AIRE: variants seen among roughly 807,000 people sequenced by gnomAD.
The protein encoded by AIRE is autoimmune regulator.
A neutral mutation model predicts 62.1 loss-of-function variants in AIRE; 52 were observed. The observed-to-expected ratio is 0.84, with a 90% CI of 0.67 to 1.06. The LOEUF (loss-of-function observed/expected upper bound fraction) is 1.06. Ranked by LOEUF, AIRE falls within the 50% of genes least tolerant of loss-of-function variation. AIRE has a pLI of 0.00. For missense variants in AIRE, 774 were observed against 755.8 expected, an observed-to-expected ratio of 1.02 and a Z score of -0.28; for synonymous variants, 342 against 321.6, an observed-to-expected ratio of 1.06 and a Z score of -0.68.
intron 5 of AIRE, chr21:44,289,052 G>A (rs1466407576): frequency 1.2e-5 from 2 of 164,698 alleles, no homozygotes; most frequent in Non-Finnish European, 2.7e-5. Context: ...CACAGCCAGG[G>A]CCCTGGTCTT....
rs79084315 is a variant in AIRE at position 44,297,115 on chromosome 21, G to C, written c.1567-541G>C. Among the ~76,000 whole-genome samples the C allele has an allele frequency of 3.7e-3, 563 of 152,334 alleles. 4 individuals are homozygous for C. The highest frequency in any genetic ancestry group is 0.013 in the African/African-American group (537 of 41,588). On this transcript the variant is annotated intron_variant, in intron 13 of 13. Coordinates refer to ENST00000291582, the MANE Select transcript of AIRE (RefSeq NM_000383.4). This position sits in a 1 kb window ranked among gnomAD's most constrained non-coding sequence, Gnocchi z 4.8. ...GTGTCTGCAGAGCCCCAGGGCCTGA[G>C]AGTGGGCCAGGGGGCCCAGCGCTGG...
In AIRE at chr21:44,286,182, C is replaced by T; in HGVS notation, c.132+44C>T. 6.7e-7 allele frequency: 1 copy of T among 1,493,238 alleles called. No homozygotes were observed. The highest frequency in any genetic ancestry group is 9.0e-7 in the Non-Finnish European group (1 of 1,113,484). 92.5% of individuals were successfully genotyped at this position (1,493,238 alleles called of 1,614,324 possible). A position where few individuals can be genotyped will look rare whatever the true frequency, so the allele number is the denominator to read the frequency against. On this transcript the variant is annotated intron_variant, in intron 1 of 13. Transcript: ENST00000291582. The surrounding 1 kb of genome is among the most constrained non-coding windows in gnomAD (Gnocchi z 6.0). The stretch of plus-strand genomic sequence containing the variant: ...CCCCGCTGCCCCCAGGCCCTGTGAG[C>T]CAGGGATAGTCCCCGGGGAAGTTCC...
rs751449722 is a variant in AIRE, at chr21:44,292,396, A to T, written c.1090A>T (p.Thr364Ser). Residue 364 changes from threonine (T) to serine (S), a missense_variant, in exon 9 of 14, where the codon ACC becomes TCC. Thr to Ser is a moderately conservative substitution (Grantham distance 58). This residue lies in a region of AIRE where 354 missense variants were observed against 296.1 expected (regional missense o/e 1.20). Transcript: ENST00000291582. ...CCGGCCCCAGGAGCCACCCGTGGAG[A>T]CCCCGGTATGGCCACGCCCCCTCCT... is the stretch of plus-strand genomic sequence containing the variant. ...EPRPQEPPVE[T>S]PLPPGLRSAG... The T allele has an allele frequency of 5.8e-6, 9 of 1,550,690 alleles. No individual in the cohort carries two copies. In the South Asian group the frequency reaches 7.1e-5, roughly 12 times the overall value.
At chr21:44,290,860 C>A in intron 7 of AIRE, 2 of 1,600,578 alleles carry the variant, frequency 1.2e-6, no homozygotes, top group Non-Finnish European at 1.7e-6. Flanking sequence ...CTGCAAGAAA[C>A]CGGGTTTTCT....
Position 44,291,010 on chromosome 21 carries a change from G to T in AIRE, c.880-85G>T, listed in dbSNP as rs142297552. 9.9e-6 allele frequency: 16 copies of T among 1,613,486 alleles called. No individual in the cohort carries two copies. The African/African-American group carries it at 1.9e-4, about 19-fold the overall frequency. On this transcript the variant is annotated intron_variant, in intron 7 of 13. Coordinates refer to ENST00000291582, the MANE Select transcript of AIRE (RefSeq NM_000383.4). ...GTTCAGGTACCCAGAGATGCTGCTGGGGGAGCTGTTTTGGGAAGGAGGTGG... is the reference window on the plus strand; with the variant it reads ...GTTCAGGTACCCAGAGATGCTGCTGTGGGAGCTGTTTTGGGAAGGAGGTGG...
Position 44,287,614 on chromosome 21 carries a change from G to T in AIRE, c.538+23G>T, listed in dbSNP as rs533097051. The stretch of plus-strand genomic sequence containing the variant: ...ACGGTGAGCGGGGCCCAGTGGGAGC[G>T]CCTCCCTTCTCCCTGGCCAGGGGCA... On this transcript the variant is annotated intron_variant, in intron 4 of 13. Transcript: ENST00000291582. This position sits in a 1 kb window ranked among gnomAD's most constrained non-coding sequence, Gnocchi z 4.3. 1.2e-5 allele frequency: 19 copies of T among 1,546,690 alleles called. No individual in the cohort carries two copies. Among genetic ancestry groups the T allele is most frequent in the Non-Finnish European group, 1.7e-5 (19 of 1,144,798 alleles).
intron 10 of AIRE, among the ~76,000 whole-genome samples, chr21:44,293,451 C>T (rs531171564): frequency 6.6e-6 from 1 of 152,170 alleles, no homozygotes; most frequent in African/African-American, 2.4e-5. Context: ...CCCTCCCCTC[C>T]CTGCCTCAAT....
At position 44,291,178 on chromosome 21, in the gene AIRE, C is replaced by T; in HGVS notation, c.963C>T (p.Ala321=). 6.2e-7 allele frequency: 1 copy of T among 1,606,780 alleles called. No individual in the cohort carries two copies. Among genetic ancestry groups the T allele is most frequent in the South Asian group, 1.1e-5 (1 of 91,030 alleles). ...CDGCPRAFHL[A]CLSPPLREIP... is the part of the protein sequence containing the mutation. ...GCTGCCCTCGGGCCTTCCACCTGGCCTGCCTGTCCCCTCCGCTCCGGGAGA... is the reference window on the plus strand; with the variant it reads ...GCTGCCCTCGGGCCTTCCACCTGGCTTGCCTGTCCCCTCCGCTCCGGGAGA... Residue 321 remains alanine (A), a synonymous_variant, in exon 8 of 14, where the codon GCC becomes GCT. Coordinates refer to ENST00000291582, the MANE Select transcript of AIRE (RefSeq NM_000383.4).
Position 44,293,809 on chromosome 21 carries a change from T to C in AIRE, c.1299T>C (p.Arg433=), listed in dbSNP as rs780148497. 6.3e-7 allele frequency: 1 copy of C among 1,596,610 alleles called. No individual in the cohort carries two copies. The highest frequency in any genetic ancestry group is 8.5e-7 in the Non-Finnish European group (1 of 1,179,518). The part of the protein sequence containing the change: ...EGQQNLAPGA[R]CGVCGDGTDV... ...CACAGAACCTGGCTCCTGGTGCGCG[T>C]TGCGGGGTGTGCGGAGATGGTACGG... The change falls in exon 11 of 14, where the codon CGT becomes CGC. Residue 433 remains arginine (R), a synonymous_variant. Transcript: ENST00000291582.
In AIRE at chr21:44,293,048, C is replaced by A. The variant is rs1469479088; in HGVS notation, c.1151C>A (p.Pro384His). 3.7e-6 allele frequency: 6 copies of A among 1,612,406 alleles called. No homozygotes were observed. Among genetic ancestry groups the A allele is most frequent in the Non-Finnish European group, 5.1e-6 (6 of 1,179,848 alleles). The change falls in exon 10 of 14, where the codon CCC becomes CAC. Residue 384 changes from proline (P) to histidine (H), a missense_variant. By Grantham distance (77) the Pro-to-His change is moderately conservative. Transcript: ENST00000291582. Reference protein sequence around the residue: ...GEEVRGPPGEPLAGMDTTLVY... With the variant: ...GEEVRGPPGEHLAGMDTTLVY... The stretch of plus-strand genomic sequence containing the variant: ...GAGGTAAGAGGTCCACCTGGGGAAC[C>A]CCTAGCCGGCATGGACACGACTCTT...
At chr21:44,289,366 C>A (rs927345111) in intron 5 of AIRE, 17 of 467,726 alleles carry the variant, frequency 3.6e-5, no homozygotes, top group African/African-American at 3.1e-4. Flanking sequence ...AACTTATGGT[C>A]CAGTGTGACC....
intron 9 of AIRE, among the ~76,000 whole-genome samples, 156 bp downstream of exon 9, chr21:44,292,557 C>CGGT (rs1392163391): frequency 6.6e-6 from 1 of 152,186 alleles, no homozygotes; most frequent in Non-Finnish European, 1.5e-5. Context: ...TGCCCAAGCC[C>CGGT]GGTCCTTGTG....
In AIRE at chr21:44,293,825, G is replaced by T; in HGVS notation, c.1315G>T (p.Asp439Tyr). 6.3e-7 allele frequency: 1 copy of T among 1,596,904 alleles called. No homozygotes were observed. Among genetic ancestry groups the T allele is most frequent in the Non-Finnish European group, 8.5e-7 (1 of 1,179,600 alleles). The change falls in exon 11 of 14, where the codon GAT becomes TAT. Residue 439 changes from aspartate to tyrosine, a missense_variant. Around this residue, in one of 3 missense-constraint regions of AIRE, gnomAD observed 354 missense variants for 296.1 expected, o/e 1.20. Transcript: ENST00000291582. ...TGGTGCGCGTTGCGGGGTGTGCGGA[G>T]ATGGTACGGACGTGCTGCGGTGTAC... Reference protein sequence around the residue: ...APGARCGVCGDGTDVLRCTHC... With the variant: ...APGARCGVCGYGTDVLRCTHC...
At position 44,288,472 on chromosome 21, in the gene AIRE, C is replaced by CGGGGAGAT; in HGVS notation, c.652+19_652+26dup. On this transcript the variant is annotated intron_variant, in intron 5 of 13. Transcript: ENST00000291582. ...TGTTTGAGTCAGGTAGACGCTGTGGCGGGGAGATGGGGCTGATGGGGAGAC... is the reference window on the plus strand; with the variant it reads ...TGTTTGAGTCAGGTAGACGCTGTGGCGGGGAGATGGGGAGATGGGGCTGATGGGGAGAC... 1 of 1,561,488 alleles carries CGGGGAGAT rather than the reference C, an allele frequency of 6.4e-7. No individual in the cohort carries two copies. Among genetic ancestry groups the CGGGGAGAT allele is most frequent in the Non-Finnish European group, 8.8e-7 (1 of 1,133,570 alleles).
In AIRE at chr21:44,294,471, A is replaced by T. The variant is rs2040585156; in HGVS notation, c.1471A>T (p.Ser491Cys). The change falls in exon 12 of 14, where the codon AGC (serine) becomes TGC (cysteine). Residue 491 changes from serine to cysteine, a missense_variant. Physicochemically the swap from Ser to Cys is moderately radical, Grantham distance 112. Transcript: ENST00000291582. The stretch of plus-strand genomic sequence containing the variant: ...CCCTGTGGAGGGGGTGCTGGCCCCC[A>T]GCCCCGCCCGCCTGGCCCCTGGGCC... ...PAPVEGVLAP[S>C]PARLAPGPAK... 6.5e-7 allele frequency: 1 copy of T among 1,550,308 alleles called. No individual in the cohort carries two copies. The highest frequency in any genetic ancestry group is 8.7e-7 in the Non-Finnish European group (1 of 1,154,610).
rs11911657 is a variant in AIRE at position 44,293,313 on chromosome 21, G to A, written c.1278+138G>A. 2.9e-4 allele frequency: 234 copies of A among 816,492 alleles called. No individual in the cohort carries two copies. In the African/African-American group the frequency reaches 3.4e-3, roughly 12 times the overall value. The allele number at this position is 816,492 out of a possible 1,614,324, so 50.6% of individuals were successfully genotyped here. A position where few individuals can be genotyped will look rare whatever the true frequency, so the allele number is the denominator to read the frequency against. On this transcript the variant is annotated intron_variant, in intron 10 of 13. Transcript: ENST00000291582. Reference sequence around the variant, plus strand: ...AGGCACAGGGCCTGGGGCTGTGGGGGGAGCGTGGGGGGCTGCGGGGGGAAG... The same window carrying A: ...AGGCACAGGGCCTGGGGCTGTGGGGAGAGCGTGGGGGGCTGCGGGGGGAAG...
rs1271169663 is a variant in AIRE, at chr21:44,287,698, C to T, written c.538+107C>T. The stretch of plus-strand genomic sequence containing the variant: ...GAGACCCTGTCCTAGGGGCTGGGGA[C>T]GTGCTGGCCTGGTGTGTCATTCCAA... On this transcript the variant is annotated intron_variant, in intron 4 of 13. Coordinates refer to ENST00000291582, the MANE Select transcript of AIRE (RefSeq NM_000383.4). This position sits in a 1 kb window ranked among gnomAD's most constrained non-coding sequence, Gnocchi z 4.3. The T allele has an allele frequency of 1.3e-5, 16 of 1,192,674 alleles. No individual in the cohort carries two copies. The highest frequency in any genetic ancestry group is 2.6e-4 in the Middle Eastern group (1 of 3,796). The allele number at this position is 1,192,674 out of a possible 1,614,324, so 73.9% of individuals were successfully genotyped here. A position where few individuals can be genotyped will look rare whatever the true frequency, so the allele number is the denominator to read the frequency against.
In AIRE at chr21:44,286,053, C is replaced by G; in HGVS notation, c.47C>G (p.Thr16Arg). 1 of 1,540,734 alleles carries G rather than the reference C, an allele frequency of 6.5e-7. No individual in the cohort carries two copies. The highest frequency in any genetic ancestry group is 8.7e-7 in the Non-Finnish European group (1 of 1,145,838). The change falls in exon 1 of 14, where the codon ACG becomes AGG. Residue 16 changes from threonine to arginine, a missense_variant. Physicochemically the swap from Thr to Arg is moderately conservative, Grantham distance 71 (BLOSUM62 -1). Coordinates refer to ENST00000291582, the MANE Select transcript of AIRE (RefSeq NM_000383.4). This position sits in a 1 kb window ranked among gnomAD's most constrained non-coding sequence, Gnocchi z 6.0. ...ALRRLLRLHRTEIAVAVDSAF... is the reference protein window; with the variant it reads ...ALRRLLRLHRREIAVAVDSAF... ...CGCCGGCTTCTGAGGCTGCACCGCACGGAGATCGCGGTGGCCGTGGACAGC... is the reference window on the plus strand; with the variant it reads ...CGCCGGCTTCTGAGGCTGCACCGCAGGGAGATCGCGGTGGCCGTGGACAGC...
rs892020248 is a variant in AIRE, at chr21:44,286,493, G to A, written c.133-64G>A. ...GGGAGCTCCACCCTCTAGTCATGAT[G>A]GAGATGGGCAGGCCGCAGGGTGTGG... On this transcript the variant is annotated intron_variant, in intron 1 of 13. Coordinates refer to ENST00000291582, the MANE Select transcript of AIRE (RefSeq NM_000383.4). The surrounding 1 kb of genome is among the most constrained non-coding windows in gnomAD (Gnocchi z 6.0). 2.6e-6 allele frequency: 4 copies of A among 1,528,638 alleles called. No individual in the cohort carries two copies. Among genetic ancestry groups the A allele is most frequent in the Non-Finnish European group, 3.6e-6 (4 of 1,121,090 alleles). 94.7% of individuals were successfully genotyped at this position (1,528,638 alleles called of 1,614,324 possible).
Sources: gnomAD v4.1 joint callset for allele counts (sites outside exome capture counted in the v4.1 genomes callset) on GRCh38, gnomAD v4.1.1 for gene constraint, gnomAD v4.1.1 regional missense constraint, Gnocchi (gnomAD v3.1) non-coding constraint, MANE v1.5 for transcripts, NCBI Gene and HGNC (gene_info 2026-07-23, HGNC 2026-07-21) for gene names.